FEZ2: variants seen among roughly 807,000 people sequenced by gnomAD.
FEZ2 encodes the protein fasciculation and elongation protein zeta 2.
A neutral mutation model predicts 40.4 loss-of-function variants in FEZ2; 51 were observed. The ratio of observed to expected loss-of-function variants is 1.26; its 90% CI spans 1.01 to 1.59. The LOEUF is 1.59. Ranked by LOEUF, FEZ2 falls within the 40% of genes most tolerant of loss-of-function variation. FEZ2 has a pLI of 0.00. For missense variants in FEZ2, 640 were observed against 438.3 expected (o/e 1.46, Z -4.11); for synonymous variants, 242 against 172.0 (o/e 1.41, Z -3.18).
chr2:36,554,302 C>T (rs1246198373), intron 7 of FEZ2: 3 of 470,978 alleles, frequency 6.4e-6, no homozygotes, highest in African/African-American at 4.0e-5. Flanking sequence ...CATTTTTCCC[C>T]AGAGGACTCT....
At chr2:36,562,506 C>CTA (rs1295840286) in intron 5 of FEZ2, among the ~76,000 whole-genome samples, 4 of 152,164 alleles carry the variant, frequency 2.6e-5, no homozygotes, top group Non-Finnish European at 5.9e-5. Context: ...CTAAACCATC[C>CTA]AACTTCCCTA....
In FEZ2 at chr2:36,595,904, G is replaced by C. The variant is rs781620758; in HGVS notation, c.266+1973C>G. Among the ~76,000 whole-genome samples the C allele has an allele frequency of 4.6e-5, 7 of 152,074 alleles. No homozygotes were observed. In the East Asian group the frequency reaches 1.2e-3, roughly 25 times the overall value. ...GGCTAAAATAACCTACTCTCCTGAC[G>C]GTCTAAGTGAAACAAAAACTCTTAA... On this transcript the variant is annotated intron_variant, in intron 1 of 7. Transcript: ENST00000405912.
intron 5 of FEZ2, among the ~76,000 whole-genome samples, chr2:36,570,198 A>G (rs747726473): frequency 3.3e-5 from 5 of 152,044 alleles, no homozygotes; most frequent in Admixed American, 6.5e-5. Flanking sequence ...AAGCAGTTAT[A>G]AAAGCAAATT....
intron 5 of FEZ2, among the ~76,000 whole-genome samples, chr2:36,573,807 C>T (rs1668487792): frequency 6.6e-6 from 1 of 152,192 alleles, no homozygotes; most frequent in South Asian, 2.1e-4. Flanking sequence ...AGATCAAACC[C>T]ATTGTTTGCC....
chr2:36,577,343 C>T (rs746017645), intron 5 of FEZ2, among the ~76,000 whole-genome samples: 6 of 151,914 alleles, frequency 3.9e-5, no homozygotes, highest in South Asian at 2.1e-4. Flanking sequence ...CCGCAATCTC[C>T]GCCTCCTGGG....
Position 36,598,144 on chromosome 2 carries a change from G to C in FEZ2, c.-2C>G. ...CTGCCAGTCCCCGTCCGCCGCCATC[G>C]CCGCCCGGAGCAGTCGCGCGCCCCG... On this transcript the variant is annotated 5_prime_UTR_variant, in exon 1 of 8. Coordinates refer to ENST00000405912, the MANE Select transcript of FEZ2 (RefSeq NM_005102.3). 1 of 1,468,644 alleles carries C rather than the reference G, an allele frequency of 6.8e-7. No individual in the cohort carries two copies. Among genetic ancestry groups the C allele is most frequent in the East Asian group, 3.0e-5 (1 of 33,124 alleles). 91.0% of individuals were successfully genotyped at this position (1,468,644 alleles called of 1,614,324 possible).
intron 5 of FEZ2, among the ~76,000 whole-genome samples, chr2:36,565,415 C>T (rs1402145953): frequency 2.0e-5 from 3 of 152,170 alleles, no homozygotes; most frequent in Non-Finnish European, 4.4e-5. Flanking sequence ...ATCCATTTTC[C>T]AGCTTCCACT....
At chr2:36,555,805 T>G (rs1220436037) in intron 6 of FEZ2, 57 bp from the exon 7 acceptor site, 1 of 989,282 alleles carries the variant, frequency 1.0e-6, no homozygotes, top group Non-Finnish European at 1.5e-6. Context: ...TCAAAAATAT[T>G]ATTTAATTTC....
chr2:36,553,922 C>T (rs1025415289), intron 7 of FEZ2, among the ~76,000 whole-genome samples: 1 of 152,154 alleles, frequency 6.6e-6, no homozygotes, highest in African/African-American at 2.4e-5. Context: ...CAGCTGTGAA[C>T]TTTCAGGATG....
chr2:36,594,252 T>C (rs1440635055), intron 1 of FEZ2, among the ~76,000 whole-genome samples: 1 of 152,062 alleles, frequency 6.6e-6, no homozygotes, highest in Admixed American at 6.5e-5. Context: ...ACTATTCCAA[T>C]CTCTACCTGT....
intron 4 of FEZ2, among the ~76,000 whole-genome samples, chr2:36,580,380 T>C (rs1258012857): frequency 1.3e-5 from 2 of 152,178 alleles, no homozygotes; most frequent in East Asian, 1.9e-4. Context: ...GCCATAAAGA[T>C]AAAACTAGGT....
At chr2:36,570,473 A>G (rs985798463) in intron 5 of FEZ2, among the ~76,000 whole-genome samples, 1 of 152,194 alleles carries the variant, frequency 6.6e-6, no homozygotes, top group Non-Finnish European at 1.5e-5. Flanking sequence ...TTTCAAAACC[A>G]CTAAAACTAG....
intron 2 of FEZ2, among the ~76,000 whole-genome samples, chr2:36,588,423 T>C (rs938692774): frequency 4.6e-5 from 7 of 152,118 alleles, no homozygotes; most frequent in Non-Finnish European, 1.0e-4. Flanking sequence ...GAAAATAACA[T>C]TCAAAAGGCA....
chr2:36,562,675 C>G (rs1328314005), intron 5 of FEZ2, among the ~76,000 whole-genome samples: 1 of 152,148 alleles, frequency 6.6e-6, no homozygotes, highest in African/African-American at 2.4e-5. Flanking sequence ...AAAACTATTT[C>G]TGTAAATTTT....
chr2:36,591,182 G>A (rs1015162145), intron 1 of FEZ2, 171 bp from the exon 2 acceptor site: 16 of 596,468 alleles, frequency 2.7e-5, no homozygotes, highest in Non-Finnish European at 4.2e-5. Flanking sequence ...ACAAAAACGA[G>A]GTGAAAAATC....
At chr2:36,596,030 G>A (rs1300604340) in intron 1 of FEZ2, among the ~76,000 whole-genome samples, 1 of 152,164 alleles carries the variant, frequency 6.6e-6, no homozygotes, top group Non-Finnish European at 1.5e-5. Flanking sequence ...AATGTGTCCT[G>A]GGTTTAGTGA....
intron 1 of FEZ2, among the ~76,000 whole-genome samples, 155 bp downstream of exon 1, chr2:36,597,722 C>T (rs1421563093): frequency 6.6e-6 from 1 of 152,186 alleles, no homozygotes; most frequent in Non-Finnish European, 1.5e-5. Flanking sequence ...GCTGGGCGAG[C>T]CGAGGCCGAC....
chr2:36,563,409 C>A (rs1285142100), intron 5 of FEZ2, among the ~76,000 whole-genome samples: 3 of 151,782 alleles, frequency 2.0e-5, no homozygotes, highest in Non-Finnish European at 4.4e-5. Flanking sequence ...GTCCCCAGCT[C>A]TTTCACTGGC....
chr2:36,558,476 C>G lies in FEZ2; in HGVS notation c.941G>C (p.Gly314Ala). The G allele has an allele frequency of 6.6e-7, 1 of 1,526,334 alleles. No individual in the cohort carries two copies. Among genetic ancestry groups the G allele is most frequent in the South Asian group, 1.3e-5 (1 of 79,542 alleles). 94.5% of individuals were successfully genotyped at this position (1,526,334 alleles called of 1,614,324 possible). ...TTVIPYEKKN[G>A]PPSVEDLQIL... Reference sequence around the variant, plus strand: ...TTGAAGATCTTCAACAGACGGTGGTCCGTTTTTTTTCTCATAAGGAATGAC... The same window carrying G: ...TTGAAGATCTTCAACAGACGGTGGTGCGTTTTTTTTCTCATAAGGAATGAC... The change falls in exon 6 of 8, where the codon GGA (glycine) becomes GCA (alanine). Residue 314 changes from glycine (G) to alanine (A), a missense_variant. Coordinates refer to ENST00000405912, the MANE Select transcript of FEZ2 (RefSeq NM_005102.3).
Sources: gnomAD v4.1 joint callset for allele counts (sites outside exome capture counted in the v4.1 genomes callset) on GRCh38, gnomAD v4.1.1 for gene constraint, MANE v1.5 for transcripts, NCBI Gene and HGNC (gene_info 2026-07-23, HGNC 2026-07-21) for gene names.